The following PTPRD variants were observed in gnomAD, a reference collection of about 807,000 sequenced individuals.
PTPRD encodes protein tyrosine phosphatase receptor type D.
Under a neutral mutation model 214.5 loss-of-function variants are expected in PTPRD, and 34 were observed. That is an observed-to-expected ratio of 0.16 (90% CI 0.12 to 0.21). The LOEUF (loss-of-function observed/expected upper bound fraction) is 0.21, where lower values mean the gene tolerates loss of function less well. PTPRD is among the 10% of genes least tolerant of loss of function. The pLI, the probability that PTPRD is intolerant of heterozygous loss-of-function variation, is 1.00. For missense variants in PTPRD, 2,545 were observed against 2,398.7 expected (o/e 1.06, Z -1.27); for synonymous variants, 1,128 against 845.7 (o/e 1.33, Z -5.79).
intron 9 of PTPRD, among the ~76,000 whole-genome samples, chr9:9,374,174 A>C (rs1268663486): frequency 2.0e-5 from 3 of 152,066 alleles, no homozygotes; most frequent in Non-Finnish European, 4.4e-5. Flanking sequence ...ATTTTATGTA[A>C]AGTATTCCAT....
intron 12 of PTPRD, among the ~76,000 whole-genome samples, chr9:8,692,805 T>C (rs140212355): frequency 4.9e-4 from 75 of 152,292 alleles, no homozygotes; most frequent in African/African-American, 1.8e-3. Flanking sequence ...TCATAAATTT[T>C]CAAAAAGAAA....
At chr9:9,743,509 A>C (rs923175301) in intron 6 of PTPRD, among the ~76,000 whole-genome samples, 2 of 152,098 alleles carry the variant, frequency 1.3e-5, no homozygotes, top group East Asian at 3.9e-4. Context: ...AATATTAGAT[A>C]ATCCTGGACT....
Position 8,465,644 on chromosome 9 carries a change from C to A in PTPRD, c.3536G>T (p.Ser1179Ile). The A allele has an allele frequency of 1.2e-6, 2 of 1,612,018 alleles. No homozygotes were observed. The highest frequency in any genetic ancestry group is 1.7e-6 in the Non-Finnish European group (2 of 1,178,712). ...TTCAACTTCTCTCCCATAACGGATG[C>A]TTCTGCGCTTCCTAGATATCTCCTT... ...LLKEISRKRR[S>I]IRYGREVELK... The change falls in exon 32 of 46, where the codon AGC (serine) becomes ATC (isoleucine). Residue 1179 changes from serine (S) to isoleucine (I), a missense_variant. By Grantham distance (142) the Ser-to-Ile change is moderately radical. Coordinates refer to ENST00000381196, the MANE Select transcript of PTPRD (RefSeq NM_002839.4).
chr9:8,625,546 T>C (rs886838957), intron 14 of PTPRD, among the ~76,000 whole-genome samples: 6 of 151,758 alleles, frequency 4.0e-5, no homozygotes, highest in African/African-American at 7.2e-5. Flanking sequence ...CCAAGAAATA[T>C]AGGATCTCTT....
At chr9:9,233,709 A>G (rs1293740232) in intron 9 of PTPRD, among the ~76,000 whole-genome samples, 2 of 152,246 alleles carry the variant, frequency 1.3e-5, no homozygotes, top group Non-Finnish European at 2.9e-5. Flanking sequence ...AAAAGGGGCT[A>G]TAGGCCCCAT....
chr9:9,500,357 G>C (rs542147990), intron 8 of PTPRD, among the ~76,000 whole-genome samples: 3 of 152,042 alleles, frequency 2.0e-5, no homozygotes, highest in African/African-American at 4.8e-5. Context: ...GATTTTTGAA[G>C]GATAACAAAA....
intron 9 of PTPRD, among the ~76,000 whole-genome samples, chr9:9,205,722 C>G (rs1330259949): frequency 6.6e-6 from 1 of 152,122 alleles, no homozygotes; most frequent in Non-Finnish European, 1.5e-5. Flanking sequence ...GTATAACTAT[C>G]TATTTATCCA....
intron 3 of PTPRD, among the ~76,000 whole-genome samples, chr9:10,296,329 G>T (rs150126399): frequency 6.6e-6 from 1 of 151,790 alleles, no homozygotes; most frequent in Admixed American, 6.6e-5. Flanking sequence ...ACTTATATTC[G>T]TTTTATCTGA....
chr9:8,524,975 G>A lies in PTPRD; in HGVS notation c.629C>T (p.Thr210Ile), dbSNP rs767146958. The A allele has an allele frequency of 7.4e-6, 12 of 1,613,516 alleles. No homozygotes were observed. In the East Asian group the frequency reaches 1.1e-4, roughly 15 times the overall value. The change falls in exon 18 of 46, where the codon ACC (threonine) becomes ATC (isoleucine). Residue 210 changes from threonine (T) to isoleucine (I), a missense_variant. Transcript: ENST00000381196. Reference sequence around the variant, plus strand: ...GGAATAGCGAGTGCCCGCGCTGTTGGTGGCAACACACTCATATTTTCCTTG... The same window carrying A: ...GGAATAGCGAGTGCCCGCGCTGTTGATGGCAACACACTCATATTTTCCTTG... The part of the protein sequence containing the change: ...SDQGKYECVA[T>I]NSAGTRYSAP...
chr9:8,750,256 C>G (rs912790117), intron 11 of PTPRD, among the ~76,000 whole-genome samples: 2 of 152,006 alleles, frequency 1.3e-5, no homozygotes, highest in African/African-American at 2.4e-5. Context: ...CTCCCAGGTT[C>G]AAGCGATTCT....
rs907758416 is a variant in PTPRD, at chr9:9,004,203, T to A, written c.-104+14494A>T. 7.2e-5 allele frequency among the ~76,000 whole-genome samples: 11 copies of A among 152,058 alleles called. 1 individual carries two copies. The highest frequency in any genetic ancestry group is 1.5e-5 in the Non-Finnish European group (1 of 67,982). On this transcript the variant is annotated intron_variant, in intron 11 of 45. Transcript: ENST00000381196. ...TGATATTCAGTATCATTTTTAGTGG[T>A]ATAATCTGTAATTTAGGAAGCATCC...
intron 11 of PTPRD, among the ~76,000 whole-genome samples, chr9:8,810,635 A>G (rs1476408692): frequency 6.6e-6 from 1 of 152,176 alleles, no homozygotes. Flanking sequence ...TTAGTGTTTC[A>G]AGAGAAGTAG....
intron 2 of PTPRD, among the ~76,000 whole-genome samples, chr9:10,500,962 C>A (rs1255633949): frequency 1.3e-5 from 2 of 151,944 alleles, no homozygotes; most frequent in Non-Finnish European, 2.9e-5. Context: ...AGGTTGCTTA[C>A]AAACCTTGGC....
At chr9:9,383,925 A>G (rs753081799) in intron 9 of PTPRD, among the ~76,000 whole-genome samples, 7 of 152,012 alleles carry the variant, frequency 4.6e-5, no homozygotes, top group Non-Finnish European at 1.0e-4. Flanking sequence ...CAGTAATTCA[A>G]TGCTTGTTCC....
intron 2 of PTPRD, among the ~76,000 whole-genome samples, chr9:10,443,355 T>C (rs1326835084): frequency 2.0e-5 from 3 of 151,624 alleles, no homozygotes; most frequent in Non-Finnish European, 4.4e-5. Flanking sequence ...TGGTAGTAAA[T>C]CTTCCAAACT....
rs867793506 is a variant in PTPRD at position 8,907,531 on chromosome 9, A to T, written c.-104+111166T>A. On this transcript the variant is annotated intron_variant, in intron 11 of 45. Transcript: ENST00000381196. ...AGACTCCGTCTCAAAAAAAAAAAAAAAAATATATATATATATATATATAAA... is the reference window on the plus strand; with the variant it reads ...AGACTCCGTCTCAAAAAAAAAAAAATAAATATATATATATATATATATAAA... Among the ~76,000 whole-genome samples, 47 of 127,020 alleles carry T rather than the reference A, an allele frequency of 3.7e-4. No homozygotes were observed. In the East Asian group the frequency reaches 3.9e-3, roughly 11 times the overall value. 83.3% of individuals were successfully genotyped at this position (127,020 alleles called of 152,430 possible).
intron 3 of PTPRD, among the ~76,000 whole-genome samples, chr9:10,229,901 AT>A (rs1389375357): frequency 6.6e-6 from 1 of 151,892 alleles, no homozygotes; most frequent in Non-Finnish European, 1.5e-5. Flanking sequence ...TAAGACAAAG[AT>A]CCTTTTTAAT....
At chr9:10,068,142 G>C (rs1454202362) in intron 3 of PTPRD, among the ~76,000 whole-genome samples, 2 of 151,922 alleles carry the variant, frequency 1.3e-5, no homozygotes, top group African/African-American at 4.8e-5. Flanking sequence ...TTATAGAGTT[G>C]TTTTTGCTTT....
At chr9:8,935,740 G>C (rs1043958506) in intron 11 of PTPRD, among the ~76,000 whole-genome samples, 5 of 152,164 alleles carry the variant, frequency 3.3e-5, no homozygotes. Context: ...AGCAGAAAAA[G>C]ATATTTTTCA....
Sources: allele counts gnomAD v4.1 joint callset (sites outside exome capture counted in the v4.1 genomes callset), GRCh38; gene constraint gnomAD v4.1.1; transcripts MANE v1.5; gene names NCBI Gene and HGNC (gene_info 2026-07-23, HGNC 2026-07-21).